Variants in ADGRF3 observed in about 807,000 individuals in gnomAD.
The protein encoded by ADGRF3 is G protein-coupled receptor 113.
Under a neutral mutation model 93.2 loss-of-function variants are expected in ADGRF3, and 85 were observed. The ratio of observed to expected loss-of-function variants is 0.91; its 90% confidence interval spans 0.77 to 1.09. The LOEUF (loss-of-function observed/expected upper bound fraction) is 1.09. Among genes scored for constraint, ADGRF3 ranks in the 50% least tolerant of loss-of-function variants. ADGRF3 has a pLI of 0.00. For missense variants in ADGRF3, 1,125 were observed against 1,246.2 expected (o/e 0.90, Z 1.46); for synonymous variants, 534 against 532.5 (o/e 1.00, Z -0.04).
At chr2:26,337,672 A>G (rs1676129974) in intron 1 of ADGRF3, among the ~76,000 whole-genome samples, 1 of 152,232 alleles carries the variant, frequency 6.6e-6, no homozygotes, top group South Asian at 2.1e-4. Flanking sequence ...AGGGCTAAGT[A>G]TCGTGAGTAA....
intron 12 of ADGRF3, 21 bp from the exon 13 acceptor site, chr2:26,309,602 C>T (rs374326896): frequency 1.2e-5 from 19 of 1,610,462 alleles, no homozygotes; most frequent in Non-Finnish European, 1.5e-5. Flanking sequence ...GTGGGAAGGC[C>T]CAATTGCAGG....
At position 26,316,305 on chromosome 2, in the gene ADGRF3, C is replaced by A. The variant is rs770283083; in HGVS notation, c.469G>T (p.Glu157Ter). The A allele has an allele frequency of 1.3e-6, 2 of 1,551,710 alleles. No homozygotes were observed. The highest frequency in any genetic ancestry group is 1.7e-6 in the Non-Finnish European group (2 of 1,146,958). ...PCGCLVFSHP[E>*]PGYCQLLPPV... ...GGCAGCAACTGGCAGTACCCGGGTTCGGGATGGCTGAAGACAAGGCAGCCA... is the reference window on the plus strand; with the variant it reads ...GGCAGCAACTGGCAGTACCCGGGTTAGGGATGGCTGAAGACAAGGCAGCCA... Residue 157 changes from glutamate (E) to a stop codon, truncating the protein, a stop_gained, in exon 4 of 14, where the codon GAA (glutamate) becomes TAA (stop). Coordinates refer to ENST00000651242, the MANE Select transcript of ADGRF3 (RefSeq NM_001321971.2). LOFTEE classifies it high-confidence loss of function.
intron 1 of ADGRF3, among the ~76,000 whole-genome samples, chr2:26,329,559 G>T (rs1272745599): frequency 1.3e-5 from 2 of 152,208 alleles, no homozygotes; most frequent in African/African-American, 4.8e-5. Flanking sequence ...CAGATCTGCT[G>T]ACATCTTGAT....
chr2:26,344,934 C>T (rs979065173), intron 1 of ADGRF3, among the ~76,000 whole-genome samples: 1 of 152,144 alleles, frequency 6.6e-6, no homozygotes, highest in East Asian at 1.9e-4. Flanking sequence ...AGTAATAATA[C>T]TGTGTTTGGC....
At chr2:26,322,282 C>CAAAA (rs60338868) in intron 1 of ADGRF3, among the ~76,000 whole-genome samples, 7 of 76,784 alleles carry the variant, frequency 9.1e-5, no homozygotes, top group South Asian at 4.0e-4. Flanking sequence ...GAATCTGTCT[C>CAAAA]AAAAAAAAAA....
At chr2:26,340,930 T>G (rs1277435659) in intron 1 of ADGRF3, among the ~76,000 whole-genome samples, 1 of 152,030 alleles carries the variant, frequency 6.6e-6, no homozygotes, top group Non-Finnish European at 1.5e-5. Flanking sequence ...AAAAAAAGAA[T>G]GGCAAATATG....
At chr2:26,319,565 C>CCCTTCCTTCCTTCCTTCCTTCCTT (rs1221160490) in intron 1 of ADGRF3, among the ~76,000 whole-genome samples, 1 of 48,136 alleles carries the variant, frequency 2.1e-5, no homozygotes, top group African/African-American at 7.8e-5. Flanking sequence ...CTCCCTCCCT[C>CCCTTCCTTCCTTCCTTCCTTCCTT]CCTTCCTTCC....
chr2:26,314,634 G>C lies in ADGRF3; in HGVS notation c.719-11C>G. 6.2e-7 allele frequency: 1 copy of C among 1,610,436 alleles called. No homozygotes were observed. Among genetic ancestry groups the C allele is most frequent in the Non-Finnish European group, 8.5e-7 (1 of 1,177,132 alleles). ...AGCTCATGTACTCACCTGCAGAAAC[G>C]TGTGTGCGGCGCTATGTGGCTCCTC... On this transcript the variant is annotated splice_polypyrimidine_tract_variant and intron_variant, in intron 5 of 13. Coordinates refer to ENST00000651242, the MANE Select transcript of ADGRF3 (RefSeq NM_001321971.2).
intron 1 of ADGRF3, chr2:26,318,951 C>T (rs757522190): frequency 6.4e-7 from 1 of 1,551,736 alleles, no homozygotes; most frequent in South Asian, 1.2e-5. Flanking sequence ...TGGGTCTCAC[C>T]CCAGTCTCAC....
In ADGRF3 at chr2:26,311,232, G is replaced by A; in HGVS notation, c.2292C>T (p.Leu764=). 1.2e-6 allele frequency: 2 copies of A among 1,608,088 alleles called. No homozygotes were observed. Among genetic ancestry groups the A allele is most frequent in the South Asian group, 1.1e-5 (1 of 90,282 alleles). ...AGAGCGGGCTTCGGGGCCCTGGAGA[G>A]AGGAATGGGGCGCCCAGGAAGCAAG... ...ADTCFLGAPF[L]SPGPRSPLCL... is the part of the protein sequence containing the mutation. Residue 764 remains leucine (L), a synonymous_variant, in exon 10 of 14, where the codon CTC becomes CTT. Coordinates refer to ENST00000651242, the MANE Select transcript of ADGRF3 (RefSeq NM_001321971.2).
At chr2:26,315,805 C>T in intron 4 of ADGRF3, 65 bp from the exon 5 acceptor site, 1 of 1,543,482 alleles carries the variant, frequency 6.5e-7, no homozygotes, top group Non-Finnish European at 8.8e-7. Context: ...TGCAGCCGAG[C>T]AATGGCTTCT....
At chr2:26,310,661 CA>C (rs1358943082) in intron 10 of ADGRF3, 30 bp downstream of exon 10, 5 of 1,587,230 alleles carry the variant, frequency 3.2e-6, no homozygotes, top group Non-Finnish European at 4.3e-6. Flanking sequence ...TCTAAAAAAG[CA>C]AAAAACACAG....
intron 9 of ADGRF3, 73 bp from the exon 10 acceptor site, chr2:26,312,147 A>G: frequency 7.2e-7 from 1 of 1,396,236 alleles, no homozygotes. Flanking sequence ...AATGAGAACA[A>G]CAGACCCCAC....
At chr2:26,316,589 C>T (rs1224196902) in intron 3 of ADGRF3, 141 bp from the exon 4 acceptor site, 5 of 855,694 alleles carry the variant, frequency 5.8e-6, no homozygotes, top group Non-Finnish European at 8.9e-6. Context: ...TCAGTCAGGC[C>T]CATGCATCAG....
rs768705006 is a variant in ADGRF3 at position 26,313,364 on chromosome 2, G to A, written c.1269+13C>T. On this transcript the variant is annotated intron_variant, in intron 8 of 13. Transcript: ENST00000651242. Reference sequence around the variant, plus strand: ...GTGGAGGGGGCACGTGGGCAGCAGGGTGGAAGCTTCACCTTGGTTCTAGTG... The same window carrying A: ...GTGGAGGGGGCACGTGGGCAGCAGGATGGAAGCTTCACCTTGGTTCTAGTG... 4 of 1,566,484 alleles carry A rather than the reference G, an allele frequency of 2.6e-6. No homozygotes were observed. Among genetic ancestry groups the A allele is most frequent in the South Asian group, 2.4e-5 (2 of 83,312 alleles).
At position 26,316,459 on chromosome 2, in the gene ADGRF3, G is replaced by A; in HGVS notation, c.326-11C>T. On this transcript the variant is annotated splice_polypyrimidine_tract_variant and intron_variant, in intron 3 of 13. Transcript: ENST00000651242. ...GGTTGACATTACACTCTGACAGAGA[G>A]AAGAGAAGAGGGGGTGGGCAGGCTG... The A allele has an allele frequency of 6.4e-7, 1 of 1,550,626 alleles. No individual in the cohort carries two copies.
At chr2:26,333,987 T>TG in intron 1 of ADGRF3, among the ~76,000 whole-genome samples, 2 of 14,464 alleles carry the variant, frequency 1.4e-4, no homozygotes, top group South Asian at 8.6e-3. Flanking sequence ...GCCCAGCTAG[T>TG]TTTTTTTTTT....
chr2:26,327,834 A>T (rs1426552605), intron 1 of ADGRF3, among the ~76,000 whole-genome samples: 2 of 127,334 alleles, frequency 1.6e-5, no homozygotes, highest in Non-Finnish European at 3.2e-5. Context: ...GTCTTCTTTT[A>T]AAAAAAAAAA....
At chr2:26,323,966 G>T (rs113834655) in intron 1 of ADGRF3, among the ~76,000 whole-genome samples, 3,124 of 152,166 alleles carry the variant, frequency 0.021, 53 homozygotes, top group Non-Finnish European at 0.034. Flanking sequence ...CTGGACCCAG[G>T]TGTGGTGGCT....
Sources: gnomAD v4.1 joint callset for allele counts (sites outside exome capture counted in the v4.1 genomes callset) on GRCh38, gnomAD v4.1.1 for gene constraint, MANE v1.5 for transcripts, NCBI Gene and HGNC (gene_info 2026-07-23, HGNC 2026-07-21) for gene names.